Variants in ESRRB observed in about 807,000 individuals in gnomAD.
ESRRB encodes estrogen related receptor beta, also known as steroid hormone receptor ERR2.
In ESRRB, 16 loss-of-function variants were observed where a neutral mutation model predicts 46.0. The ratio of observed to expected loss-of-function variants is 0.35; its 90% CI spans 0.24 to 0.53. The LOEUF is 0.53. ESRRB is among the 20% of genes least tolerant of loss of function. The probability of loss-of-function intolerance (pLI) is 0.93; values close to 1 mark genes in which losing one functional copy is unlikely to be tolerated. For missense variants in ESRRB, 488 were observed against 607.4 expected, an observed-to-expected ratio of 0.80 and a Z score of 2.07; for synonymous variants, 246 against 259.6, an observed-to-expected ratio of 0.95 and a Z score of 0.50.
At chr14:76,315,277 T>TGCTTGTTC (rs61699426) in intron 1 of ESRRB, among the ~76,000 whole-genome samples, 1 of 151,320 alleles carries the variant, frequency 6.6e-6, no homozygotes. Flanking sequence ...CCCTGTGCTA[T>TGCTTGTTC]GCTTCTGTGT....
chr14:76,483,834 G>A (rs1439011158), intron 5 of ESRRB, among the ~76,000 whole-genome samples: 2 of 152,160 alleles, frequency 1.3e-5, no homozygotes, highest in Admixed American at 6.5e-5. Flanking sequence ...CTAGACTTTA[G>A]ATACCAAGAC....
intron 1 of ESRRB, among the ~76,000 whole-genome samples, chr14:76,397,641 G>A (rs540848398): frequency 9.8e-4 from 150 of 152,294 alleles, no homozygotes; most frequent in African/African-American, 3.4e-3. Flanking sequence ...ATGGTGGCTC[G>A]TGCTTCTAAT....
At chr14:76,390,814 G>T (rs1885438371) in intron 1 of ESRRB, among the ~76,000 whole-genome samples, 3 of 152,310 alleles carry the variant, frequency 2.0e-5, no homozygotes, top group Non-Finnish European at 4.4e-5. Flanking sequence ...AAGCCTCCAG[G>T]CCATGAGAGG....
intron 1 of ESRRB, among the ~76,000 whole-genome samples, chr14:76,418,322 A>G (rs1197781409): frequency 6.6e-6 from 1 of 152,188 alleles, no homozygotes; most frequent in African/African-American, 2.4e-5. Flanking sequence ...TTGCCAAGAT[A>G]GTGCAGAGGA....
chr14:76,424,215 G>C (rs1320816652), intron 1 of ESRRB, among the ~76,000 whole-genome samples: 3 of 152,198 alleles, frequency 2.0e-5, no homozygotes, highest in African/African-American at 7.2e-5. Flanking sequence ...TGTGAGCACT[G>C]TTGTTGTTAC....
intron 2 of ESRRB, among the ~76,000 whole-genome samples, chr14:76,456,134 T>C (rs1888602521): frequency 6.6e-6 from 1 of 152,140 alleles, no homozygotes; most frequent in South Asian, 2.1e-4. Flanking sequence ...TGCTGCTTTG[T>C]CTTGTAGCTC....
At position 76,501,095 on chromosome 14, in the gene ESRRB, C is replaced by G. The variant is rs1197890247; in HGVS notation, c.*2637C>G. The G allele has an allele frequency of 6.8e-6, 2 of 292,772 alleles. No homozygotes were observed. The highest frequency in any genetic ancestry group is 9.0e-5 in the Admixed American group (2 of 22,150). 18.1% of individuals were successfully genotyped at this position (292,772 alleles called of 1,614,324 possible). A position where few individuals can be genotyped will look rare whatever the true frequency, so the allele number is the denominator to read the frequency against. ...AGTGAGGAGAGTTTAGGGGAACCTT[C>G]CCCCAGTGGAACAGATCTCAAGTTT... On this transcript the variant is annotated 3_prime_UTR_variant, in exon 7 of 7. Transcript: ENST00000644823.
intron 1 of ESRRB, among the ~76,000 whole-genome samples, chr14:76,382,860 C>G (rs1162266990): frequency 6.6e-6 from 1 of 152,076 alleles, no homozygotes; most frequent in East Asian, 1.9e-4. Flanking sequence ...AAATGTCTTT[C>G]CTTTGTTCCT....
intron 1 of ESRRB, among the ~76,000 whole-genome samples, chr14:76,316,749 G>GAA (rs58419416): frequency 6.0e-5 from 9 of 150,026 alleles, no homozygotes; most frequent in African/African-American, 2.0e-4. Context: ...CTCTGTCCAG[G>GAA]AAAAAAAAAT....
upstream of ESRRB, among the ~76,000 whole-genome samples, chr14:76,370,048 T>C (rs991651229): frequency 1.3e-5 from 2 of 152,174 alleles, no homozygotes; most frequent in Non-Finnish European, 2.9e-5. Flanking sequence ...GATGAGACCC[T>C]AGAAACAAAT....
At chr14:76,484,960 A>G (rs1889948965) in intron 5 of ESRRB, among the ~76,000 whole-genome samples, 1 of 152,220 alleles carries the variant, frequency 6.6e-6, no homozygotes, top group Non-Finnish European at 1.5e-5. Context: ...GACGCTTACC[A>G]GCGCTGTTGT....
intron 3 of ESRRB, among the ~76,000 whole-genome samples, chr14:76,464,936 C>T (rs1889043139): frequency 6.6e-6 from 1 of 152,032 alleles, no homozygotes; most frequent in South Asian, 2.1e-4. Flanking sequence ...GCTTTGGAGA[C>T]TCATTCATTC....
intron 1 of ESRRB, among the ~76,000 whole-genome samples, chr14:76,389,096 G>A (rs1224012209): frequency 2.0e-5 from 3 of 152,114 alleles, no homozygotes; most frequent in Non-Finnish European, 2.9e-5. Context: ...TCATTGTTGA[G>A]TCCCCTCCTA....
Position 76,376,383 on chromosome 14 carries a change from GA to G in ESRRB, c.-17del, listed in dbSNP as rs1884767305. On this transcript the variant is annotated 5_prime_UTR_variant, in exon 1 of 7. In the 5' UTR this introduces an upstream ATG that the reference lacks. Transcript: ENST00000644823. The surrounding 1 kb of genome is among the most constrained non-coding windows in gnomAD (Gnocchi z 4.1). ...CCCGCCGTCTTTCTCTACCAACTGG[GA>G]ATGCTAAAACGGGACTGATGGACGT... is the stretch of plus-strand genomic sequence containing the variant. 1 of 1,231,474 alleles carries G rather than the reference GA, an allele frequency of 8.1e-7. No homozygotes were observed. Among genetic ancestry groups the G allele is most frequent in the African/African-American group, 1.6e-5 (1 of 64,394 alleles). The allele number at this position is 1,231,474 out of a possible 1,614,324, so 76.3% of individuals were successfully genotyped here.
At chr14:76,406,315 C>A (rs1886182811) in intron 1 of ESRRB, among the ~76,000 whole-genome samples, 1 of 152,160 alleles carries the variant, frequency 6.6e-6, no homozygotes, top group South Asian at 2.1e-4. Context: ...GGAGTTAGGG[C>A]TTGGTTCTCA....
intron 1 of ESRRB, among the ~76,000 whole-genome samples, chr14:76,383,315 T>C (rs924042504): frequency 2.7e-5 from 4 of 149,978 alleles, no homozygotes; most frequent in Non-Finnish European, 4.4e-5. Context: ...TTTATTCTTT[T>C]TGTTAATTCA....
At chr14:76,485,067 G>T (rs748388353) in intron 5 of ESRRB, among the ~76,000 whole-genome samples, 1 of 151,900 alleles carries the variant, frequency 6.6e-6, no homozygotes, top group Non-Finnish European at 1.5e-5. Context: ...AAATAAAAAC[G>T]GGCTCAGTTG....
chr14:76,466,081 G>A (rs1889097954), intron 3 of ESRRB, among the ~76,000 whole-genome samples: 1 of 152,094 alleles, frequency 6.6e-6, no homozygotes, highest in Admixed American at 6.5e-5. Flanking sequence ...TGGGCTCATC[G>A]CCCACCTCAG....
chr14:76,428,363 AAAGTT>A lies in ESRRB; in HGVS notation c.51-10974_51-10970del, dbSNP rs573204116. Reference sequence around the variant, plus strand: ...AGTGAAAATAAAAACAGATTTAAGAAAAGTTAAGCTAAATTTACAGATGTCAGAAC... The same window carrying A: ...AGTGAAAATAAAAACAGATTTAAGAAAAGCTAAATTTACAGATGTCAGAAC... On this transcript the variant is annotated intron_variant, in intron 1 of 6. Coordinates refer to ENST00000644823, the MANE Select transcript of ESRRB (RefSeq NM_001379180.1). Among the ~76,000 whole-genome samples the A allele has an allele frequency of 1.1e-4, 17 of 152,188 alleles. No individual in the cohort carries two copies. The South Asian group carries it at 3.1e-3, about 28-fold the overall frequency.
Sources: allele counts gnomAD v4.1 joint callset (sites outside exome capture counted in the v4.1 genomes callset), GRCh38; gene constraint gnomAD v4.1.1; non-coding constraint Gnocchi (gnomAD v3.1); transcripts MANE v1.5; gene names NCBI Gene and HGNC (gene_info 2026-07-23, HGNC 2026-07-21).